UNC13C: variants seen among roughly 807,000 people sequenced by gnomAD.
UNC13C encodes unc-13 homolog C.
UNC13C carries 174 observed loss-of-function variants against 245.4 expected under a neutral mutation model. That is an observed-to-expected ratio of 0.71 (90% CI 0.63 to 0.80). UNC13C has a LOEUF of 0.80. Ranked by LOEUF, UNC13C falls within the 30% of genes least tolerant of loss-of-function variation. The pLI is 0.00. For missense variants in UNC13C, 2,829 were observed against 2,602.9 expected (o/e 1.09, Z -1.89); for synonymous variants, 992 against 895.1 (o/e 1.11, Z -1.93).
At chr15:53,959,108 G>T in the UNC13C span, among the ~76,000 whole-genome samples, 2 of 152,044 alleles carry the variant, frequency 1.3e-5, no homozygotes, top group African/African-American at 4.8e-5. Context: ...CATCCACGTT[G>T]CTGTAAATGA....
intron 2 of UNC13C, chr15:54,049,577 A>G (rs1258702117): frequency 2.0e-5 from 5 of 253,518 alleles, no homozygotes; most frequent in African/African-American, 9.3e-5. Context: ...TTTAGTTAAT[A>G]TTACTTGAAA....
chr15:53,927,638 G>T, the UNC13C span, among the ~76,000 whole-genome samples: 8 of 152,190 alleles, frequency 5.3e-5, no homozygotes, highest in Non-Finnish European at 8.8e-5. Flanking sequence ...AACACAAGTG[G>T]TTATTTGAAG....
chr15:54,268,253 C>T lies in UNC13C; in HGVS notation c.3818+2757C>T, dbSNP rs575686317. Among the ~76,000 whole-genome samples, 314 of 152,038 alleles carry T rather than the reference C, an allele frequency of 2.1e-3. 1 individual carries two copies. Among genetic ancestry groups the T allele is most frequent in the Non-Finnish European group, 3.5e-3 (241 of 67,952 alleles). ...ATGTCTAACCTGCTAAAATCTAAGC[C>T]ACTGTAATTTTCATATTAGGCATTT... On this transcript the variant is annotated intron_variant, in intron 10 of 32. Coordinates refer to ENST00000260323, the MANE Select transcript of UNC13C (RefSeq NM_001080534.3).
chr15:53,896,266 T>C, the UNC13C span, among the ~76,000 whole-genome samples: 1 of 152,132 alleles, frequency 6.6e-6, no homozygotes, highest in Non-Finnish European at 1.5e-5. Flanking sequence ...AAAATACTCC[T>C]AGAGCATATA....
chr15:53,862,118 A>C, the UNC13C span, among the ~76,000 whole-genome samples: 39 of 152,142 alleles, frequency 2.6e-4, no homozygotes, highest in African/African-American at 9.4e-4. Flanking sequence ...GAGTGGCAGC[A>C]TGATCGAATT....
chr15:54,549,125 G>A (rs1466957268), intron 27 of UNC13C, among the ~76,000 whole-genome samples: 3 of 152,106 alleles, frequency 2.0e-5, no homozygotes, highest in Non-Finnish European at 4.4e-5. Context: ...GTTTATTCCA[G>A]TGTTTTTCAA....
intron 18 of UNC13C, among the ~76,000 whole-genome samples, chr15:54,402,741 T>C (rs2040212648): frequency 6.6e-6 from 1 of 152,160 alleles, no homozygotes; most frequent in South Asian, 2.1e-4. Context: ...ATGACTTATC[T>C]AGTAATAGGC....
chr15:54,391,783 G>A (rs760986778), intron 17 of UNC13C, among the ~76,000 whole-genome samples: 14 of 152,048 alleles, frequency 9.2e-5, no homozygotes, highest in Non-Finnish European at 1.6e-4. Flanking sequence ...GTACATTATA[G>A]TCTAAGAATA....
intron 18 of UNC13C, among the ~76,000 whole-genome samples, chr15:54,406,002 GA>G (rs1050384704): frequency 2.1e-5 from 3 of 145,050 alleles, no homozygotes; most frequent in South Asian, 2.2e-4. Context: ...TGTGGGGGGG[GA>G]AAGAATATCT....
At chr15:53,901,798 A>C in the UNC13C span, among the ~76,000 whole-genome samples, 1 of 152,202 alleles carries the variant, frequency 6.6e-6, no homozygotes, top group African/African-American at 2.4e-5. Context: ...ACTGCACCCA[A>C]GACATTTGGA....
At chr15:54,573,598 A>C (rs1897845193) in intron 30 of UNC13C, among the ~76,000 whole-genome samples, 3 of 152,314 alleles carry the variant, frequency 2.0e-5, no homozygotes, top group African/African-American at 7.2e-5. Flanking sequence ...AGTTTCATAC[A>C]GTGAGAAATA....
intron 17 of UNC13C, among the ~76,000 whole-genome samples, chr15:54,386,327 T>C (rs1013947988): frequency 3.3e-5 from 5 of 152,212 alleles, no homozygotes; most frequent in African/African-American, 1.2e-4. Context: ...CAGACATTGC[T>C]ATAGCAATAA....
At chr15:54,357,888 T>A (rs1056550698) in intron 17 of UNC13C, among the ~76,000 whole-genome samples, 2 of 152,028 alleles carry the variant, frequency 1.3e-5, no homozygotes, top group African/African-American at 4.8e-5. Flanking sequence ...TTATTTTATA[T>A]GTGTTTGTAT....
chr15:54,227,500 T>C (rs1326190970), intron 4 of UNC13C, among the ~76,000 whole-genome samples: 6 of 152,118 alleles, frequency 3.9e-5, no homozygotes, highest in Non-Finnish European at 7.4e-5. Context: ...CAGCACCCCC[T>C]CCCTCCCTTC....
Position 54,250,287 on chromosome 15 carries a change from A to G in UNC13C, c.3291A>G (p.Pro1097=), listed in dbSNP as rs2036110639. The change falls in exon 8 of 33, where the codon CCA becomes CCG. Residue 1097 remains proline, a synonymous_variant. Coordinates refer to ENST00000260323, the MANE Select transcript of UNC13C (RefSeq NM_001080534.3). ...ALIYPMSSTI[P]HNFEVWTATT... is the part of the protein sequence containing the mutation. ...TCTACCCTATGTCTTCTACCATCCC[A>G]CACAATTTTGAGGTCTGGACGGCTA... The G allele has an allele frequency of 1.9e-6, 3 of 1,613,886 alleles. No individual in the cohort carries two copies. In the East Asian group the frequency reaches 6.7e-5, roughly 36 times the overall value.
chr15:54,582,328 G>T (rs755447541), intron 30 of UNC13C, among the ~76,000 whole-genome samples: 2 of 152,158 alleles, frequency 1.3e-5, no homozygotes, highest in Admixed American at 6.5e-5. Flanking sequence ...ACAGGGAGCT[G>T]ATTTGAGGCA....
intron 1 of UNC13C, among the ~76,000 whole-genome samples, chr15:54,008,284 C>T (rs72739044): frequency 0.046 from 7,054 of 152,268 alleles, 235 homozygotes; most frequent in Non-Finnish European, 0.069. Context: ...TCATGTTAAT[C>T]GCATGACCTT....
chr15:54,225,596 T>C (rs2035358658), intron 4 of UNC13C, among the ~76,000 whole-genome samples: 1 of 152,200 alleles, frequency 6.6e-6, no homozygotes, highest in South Asian at 2.1e-4. Context: ...CACTCATGAA[T>C]TGGTTCTCTG....
At chr15:54,535,598 C>A (rs567264583) in intron 26 of UNC13C, among the ~76,000 whole-genome samples, 1 of 152,166 alleles carries the variant, frequency 6.6e-6, no homozygotes, top group East Asian at 1.9e-4. Flanking sequence ...CACAATCAGC[C>A]ACAAAACAAT....
Sources: gnomAD v4.1 joint callset for allele counts (sites outside exome capture counted in the v4.1 genomes callset) on GRCh38, gnomAD v4.1.1 for gene constraint, MANE v1.5 for transcripts, NCBI Gene and HGNC (gene_info 2026-07-23, HGNC 2026-07-21) for gene names.